Variants in NMD3 observed in about 807,000 individuals in gnomAD.
NMD3 encodes NMD3 ribosome export adaptor.
A neutral mutation model predicts 73.1 loss-of-function variants in NMD3; 47 were observed. The ratio of observed to expected loss-of-function variants is 0.64; its 90% confidence interval spans 0.51 to 0.82. The LOEUF (loss-of-function observed/expected upper bound fraction) is 0.82. NMD3 is among the 40% of genes least tolerant of loss of function. The probability of loss-of-function intolerance (pLI) is 0.00; values close to 1 mark genes in which losing one functional copy is unlikely to be tolerated. For synonymous variants in NMD3, 210 were observed against 194.5 expected (o/e 1.08, Z -0.66); for missense variants, 554 against 612.5 (o/e 0.90, Z 1.01).
At chr3:161,252,796 TA>T (rs1560078214), downstream of NMD3, 2 of 693,788 alleles carry the variant, frequency 2.9e-6, no homozygotes, top group Admixed American at 4.1e-5. Flanking sequence ...GCTGCTGATT[TA>T]GAGTCAGAAG....
chr3:161,247,967 G>A (rs982990882), intron 13 of NMD3, among the ~76,000 whole-genome samples: 5 of 151,400 alleles, frequency 3.3e-5, no homozygotes, highest in Non-Finnish European at 5.9e-5. Flanking sequence ...AACACGTTTT[G>A]TAGAGACGGG....
In NMD3 at chr3:161,234,769, T is replaced by C; in HGVS notation, c.400T>C (p.Tyr134His). The C allele has an allele frequency of 6.2e-7, 1 of 1,612,958 alleles. No homozygotes were observed. Among genetic ancestry groups the C allele is most frequent in the Admixed American group, 1.7e-5 (1 of 60,004 alleles). Residue 134 changes from tyrosine (Y) to histidine (H), a missense_variant, in exon 6 of 16, where the codon TAT becomes CAT. By Grantham distance (83) the Tyr-to-His change is moderately conservative (BLOSUM62 2). Transcript: ENST00000351193. ...CCTTCAACAAGTGTTTGTGGTGGATTATGTTGTTCAGTCCCAAATGTGTGG... is the reference window on the plus strand; with the variant it reads ...CCTTCAACAAGTGTTTGTGGTGGATCATGTTGTTCAGTCCCAAATGTGTGG... ...AILQQVFVVDYVVQSQMCGDC... is the reference protein window; with the variant it reads ...AILQQVFVVDHVVQSQMCGDC...
chr3:161,242,701 T>C, intron 11 of NMD3, 48 bp downstream of exon 11: 1 of 1,571,626 alleles, frequency 6.4e-7, no homozygotes, highest in Non-Finnish European at 8.7e-7. Flanking sequence ...CCCTCAGTTA[T>C]TATTGTTTCA....
chr3:161,229,464 C>G (rs550673819), intron 4 of NMD3, among the ~76,000 whole-genome samples: 27 of 152,084 alleles, frequency 1.8e-4, no homozygotes, highest in African/African-American at 6.0e-4. Flanking sequence ...TTCCACTGTT[C>G]GTGACCTGAG....
intron 2 of NMD3, 102 bp downstream of exon 2, chr3:161,222,159 A>G (rs1430537946): frequency 1.0e-5 from 9 of 895,460 alleles, no homozygotes; most frequent in Admixed American, 4.1e-5. Context: ...GAAAGAGCGT[A>G]TATTGTCATA....
In NMD3 at chr3:161,252,105, C is replaced by G. The variant is rs914398831; in HGVS notation, c.*1195C>G. On this transcript the variant is annotated 3_prime_UTR_variant, in exon 16 of 16. Transcript: ENST00000351193. ...TTTTCTATAGTGGCTTCTTTTCTGT[C>G]TGCATATTTTGTTAAAATTGTGGAT... 6.6e-6 allele frequency: 1 copy of G among 151,876 alleles called. No individual in the cohort carries two copies. The highest frequency in any genetic ancestry group is 6.6e-5 in the Admixed American group (1 of 15,252). The allele number at this position is 151,876 out of a possible 1,614,324, so 9.4% of individuals were successfully genotyped here.
chr3:161,245,946 T>C (rs1227214578), intron 11 of NMD3, among the ~76,000 whole-genome samples: 2 of 152,168 alleles, frequency 1.3e-5, no homozygotes, highest in African/African-American at 2.4e-5. Flanking sequence ...AAGAGTTTGC[T>C]TGGAATACGT....
chr3:161,248,649 A>C (rs571423664), intron 13 of NMD3, among the ~76,000 whole-genome samples: 1 of 152,322 alleles, frequency 6.6e-6, no homozygotes, highest in South Asian at 2.1e-4. Flanking sequence ...ATCCGTGAAA[A>C]ATAATCTTCA....
intron 13 of NMD3, among the ~76,000 whole-genome samples, chr3:161,248,214 G>A (rs1000183326): frequency 6.6e-6 from 1 of 152,060 alleles, no homozygotes; most frequent in African/African-American, 2.4e-5. Context: ...ATTTAGCCGG[G>A]TGCGGTGGCT....
At chr3:161,248,000 G>T (rs1358629856) in intron 13 of NMD3, among the ~76,000 whole-genome samples, 1 of 151,094 alleles carries the variant, frequency 6.6e-6, no homozygotes, top group African/African-American at 2.4e-5. Flanking sequence ...TGCTCAGGCT[G>T]GTCTCGAACT....
chr3:161,247,201 A>C, intron 12 of NMD3, 57 bp from the exon 13 acceptor site: 1 of 1,115,980 alleles, frequency 9.0e-7, no homozygotes, highest in East Asian at 2.4e-5. Flanking sequence ...GCCATAAAAT[A>C]AAAAGTTACA....
chr3:161,251,005 G>C lies in NMD3; in HGVS notation c.*95G>C. ...TATCTTTGCCTCCAGATTTCAAGAG[G>C]AGAAATTTAGTTTTAAACCTGAATA... On this transcript the variant is annotated 3_prime_UTR_variant, in exon 16 of 16. Transcript: ENST00000351193. The C allele has an allele frequency of 2.0e-6, 2 of 988,000 alleles. No homozygotes were observed. Among genetic ancestry groups the C allele is most frequent in the Middle Eastern group, 2.2e-4 (1 of 4,528 alleles). The allele number at this position is 988,000 out of a possible 1,614,324, so 61.2% of individuals were successfully genotyped here. A position where few individuals can be genotyped will look rare whatever the true frequency, so the allele number is the denominator to read the frequency against.
At chr3:161,235,640 C>G (rs2108086474) in intron 7 of NMD3, among the ~76,000 whole-genome samples, 1 of 152,222 alleles carries the variant, frequency 6.6e-6, no homozygotes, top group African/African-American at 2.4e-5. Flanking sequence ...TAATTAACCT[C>G]TAGAAGTTTT....
chr3:161,234,262 G>A (rs966881685), intron 5 of NMD3, among the ~76,000 whole-genome samples: 9 of 151,684 alleles, frequency 5.9e-5, no homozygotes, highest in African/African-American at 2.2e-4. Context: ...CCTGGAGTTC[G>A]AGACCCCATC....
In NMD3 at chr3:161,234,734, A is replaced by G. The variant is rs959623802; in HGVS notation, c.365A>G (p.Asn122Ser). The G allele has an allele frequency of 5.0e-6, 8 of 1,609,154 alleles. No individual in the cohort carries two copies. The highest frequency in any genetic ancestry group is 1.3e-5 in the African/African-American group (1 of 74,824). The change falls in exon 6 of 16, where the codon AAT (asparagine) becomes AGT (serine). Residue 122 changes from asparagine to serine, a missense_variant. Transcript: ENST00000351193. ...GTGTAATTGTTTTATCAGGTGATGA[A>G]TGGTGCTATCCTTCAACAAGTGTTT... Reference protein sequence around the residue: ...VKLTIQKEVMNGAILQQVFVV... With the variant: ...VKLTIQKEVMSGAILQQVFVV...
intron 7 of NMD3, 102 bp from the exon 8 acceptor site, chr3:161,238,011 G>A: frequency 1.3e-6 from 1 of 760,770 alleles, no homozygotes. Flanking sequence ...CTAATAATTT[G>A]ATTTTGTTTA....
chr3:161,241,052 G>A lies in NMD3; in HGVS notation c.760G>A (p.Val254Ile). ...TGTTAGTTCTTATGCCTAGGATAATGTTGTCTGTCTGTCTCCAAAACTGGC... is the reference window on the plus strand; with the variant it reads ...TGTTAGTTCTTATGCCTAGGATAATATTGTCTGTCTGTCTCCAAAACTGGC... ...VEIVPICKDNVVCLSPKLAQS... is the reference protein window; with the variant it reads ...VEIVPICKDNIVCLSPKLAQS... Residue 254 changes from valine to isoleucine, a missense_variant, in exon 10 of 16, where the codon GTT (valine) becomes ATT (isoleucine). Transcript: ENST00000351193. 1.2e-6 allele frequency: 2 copies of A among 1,604,616 alleles called. No individual in the cohort carries two copies. The highest frequency in any genetic ancestry group is 2.2e-5 in the South Asian group (2 of 90,800).
At chr3:161,229,804 A>G (rs1426802072) in intron 4 of NMD3, among the ~76,000 whole-genome samples, 5 of 152,166 alleles carry the variant, frequency 3.3e-5, no homozygotes, top group Admixed American at 3.3e-4. Flanking sequence ...TAGGAGGAAA[A>G]CAGGGTGAGT....
intron 10 of NMD3, 49 bp downstream of exon 10, chr3:161,241,212 AC>A: frequency 9.5e-7 from 1 of 1,053,844 alleles, no homozygotes; most frequent in East Asian, 2.4e-5. Flanking sequence ...TGTATGACAA[AC>A]AATAATAATT....
Sources: gnomAD v4.1 joint callset for allele counts (sites outside exome capture counted in the v4.1 genomes callset) on GRCh38, gnomAD v4.1.1 for gene constraint, MANE v1.5 for transcripts, NCBI Gene and HGNC (gene_info 2026-07-23, HGNC 2026-07-21) for gene names.